ZNF507: variants seen among roughly 807,000 people sequenced by gnomAD.
ZNF507 encodes the protein zinc finger protein 507.
A neutral mutation model predicts 80.0 loss-of-function variants in ZNF507; 29 were observed. The ratio of observed to expected loss-of-function variants is 0.36; its 90% CI spans 0.27 to 0.49. The LOEUF (loss-of-function observed/expected upper bound fraction) is 0.49. Among genes scored for constraint, ZNF507 ranks in the 20% least tolerant of loss-of-function variants. The pLI is 0.98. For synonymous variants in ZNF507, 462 were observed against 422.5 expected, an observed-to-expected ratio of 1.09 and a Z score of -1.15; for missense variants, 1,081 against 1,152.2, an observed-to-expected ratio of 0.94 and a Z score of 0.90.
rs1967671663 is a variant in ZNF507, at chr19:32,385,105, A to AC, written c.*2022_*2023insC. On this transcript the variant is annotated 3_prime_UTR_variant, in exon 7 of 7. Coordinates refer to ENST00000355898, the MANE Select transcript of ZNF507 (RefSeq NM_001136156.2). ...CAACCTTAGAAGGATTTTGTCTTAG[A>AC]AAATTTCCTTGGCTTTAGTTTTATA... The AC allele has an allele frequency of 6.6e-6, 1 of 152,214 alleles. No homozygotes were observed. The highest frequency in any genetic ancestry group is 2.4e-5 in the African/African-American group (1 of 41,446). 9.4% of individuals were successfully genotyped at this position (152,214 alleles called of 1,614,324 possible).
chr19:32,382,688 C>T (rs766368263), intron 6 of ZNF507, 29 bp from the exon 7 acceptor site: 13 of 1,609,364 alleles, frequency 8.1e-6, no homozygotes, highest in South Asian at 3.3e-5. Flanking sequence ...AGCCTCCTCA[C>T]GGTGTGCTGT....
chr19:32,378,708 G>T (rs2145343059), intron 5 of ZNF507, among the ~76,000 whole-genome samples: 1 of 151,656 alleles, frequency 6.6e-6, no homozygotes, highest in African/African-American at 2.4e-5. Flanking sequence ...TAAAAGGTTG[G>T]AATAACATTA....
In ZNF507 at chr19:32,382,883, A is replaced by G; in HGVS notation, c.2662A>G (p.Asn888Asp). ...GAATGAGAAACTGAGCCCTACAAGT[A>G]ATACCTCATATAGTTTAGAAAAAAT... ...NENEKLSPTS[N>D]TSYSLEKISS... The change falls in exon 7 of 7, where the codon AAT (asparagine) becomes GAT (aspartate). Residue 888 changes from asparagine (N) to aspartate (D), a missense_variant. Around this residue, in one of 6 missense-constraint regions of ZNF507, gnomAD observed 138 missense variants for 158.4 expected, o/e 0.87. Transcript: ENST00000355898. 6.2e-7 allele frequency: 1 copy of G among 1,614,126 alleles called. No individual in the cohort carries two copies. The highest frequency in any genetic ancestry group is 8.5e-7 in the Non-Finnish European group (1 of 1,180,022).
At position 32,382,927 on chromosome 19, in the gene ZNF507, T is replaced by C. The variant is rs771875230; in HGVS notation, c.2706T>C (p.Pro902=). The C allele has an allele frequency of 4.3e-6, 7 of 1,614,066 alleles. No individual in the cohort carries two copies. In the African/African-American group the frequency reaches 9.3e-5, roughly 22 times the overall value. The change falls in exon 7 of 7, where the codon CCT becomes CCC. Residue 902 remains proline (P), a synonymous_variant. Coordinates refer to ENST00000355898, the MANE Select transcript of ZNF507 (RefSeq NM_001136156.2). ...AAAAAATCTCCAGTCTGGCCCCTCC[T>C]AGCATGGAGTACTGCGTTTTACTCT... is the stretch of plus-strand genomic sequence containing the variant. The part of the protein sequence containing the change: ...SLEKISSLAP[P]SMEYCVLLFC...
intron 4 of ZNF507, chr19:32,359,814 C>T (rs1193492554): frequency 6.6e-6 from 1 of 151,024 alleles, no homozygotes; most frequent in Non-Finnish European, 1.5e-5. Context: ...GGCCGCTTTT[C>T]CTTTCTTGTT....
At chr19:32,373,117 G>A (rs1016041621) in intron 5 of ZNF507, among the ~76,000 whole-genome samples, 3 of 152,142 alleles carry the variant, frequency 2.0e-5, no homozygotes, top group African/African-American at 4.8e-5. Context: ...GGCATTAATC[G>A]TATTCACAAG....
chr19:32,347,429 T>C (rs1393618906), intron 2 of ZNF507, 91 bp downstream of exon 2: 1 of 152,252 alleles, frequency 6.6e-6, no homozygotes, highest in Non-Finnish European at 1.5e-5. Context: ...GAGGATCAGA[T>C]ACCACTAACA....
intron 5 of ZNF507, among the ~76,000 whole-genome samples, chr19:32,367,091 C>G (rs1250325316): frequency 2.6e-5 from 4 of 152,162 alleles, no homozygotes; most frequent in Non-Finnish European, 5.9e-5. Context: ...TCCTCTGCTT[C>G]TGGTGAGGGT....
In ZNF507 at chr19:32,352,866, A is replaced by G. The variant is rs1967188237; in HGVS notation, c.36A>G (p.Pro12=). 1 of 1,595,168 alleles carries G rather than the reference A, an allele frequency of 6.3e-7. No individual in the cohort carries two copies. Among genetic ancestry groups the G allele is most frequent in the Non-Finnish European group, 8.5e-7 (1 of 1,174,174 alleles). The change falls in exon 3 of 7, where the codon CCA becomes CCG. Residue 12 remains proline, a synonymous_variant. Transcript: ENST00000355898. ...GTAGCAGTGTTGCCATGTTGGTGCCAGATATTGGGGAACAGGAAGCTATAC... is the reference window on the plus strand; with the variant it reads ...GTAGCAGTGTTGCCATGTTGGTGCCGGATATTGGGGAACAGGAAGCTATAC... ...EESSSVAMLV[P]DIGEQEAILT...
chr19:32,351,219 A>C (rs1967158441), intron 2 of ZNF507, among the ~76,000 whole-genome samples: 1 of 152,200 alleles, frequency 6.6e-6, no homozygotes, highest in Admixed American at 6.5e-5. Context: ...AAGAGAAAAA[A>C]AGCTGATGCC....
Position 32,353,447 on chromosome 19 carries a change from A to G in ZNF507, c.617A>G (p.Glu206Gly), listed in dbSNP as rs754673722. The change falls in exon 3 of 7, where the codon GAA (glutamate) becomes GGA (glycine). Residue 206 changes from glutamate (E) to glycine (G), a missense_variant. Coordinates refer to ENST00000355898, the MANE Select transcript of ZNF507 (RefSeq NM_001136156.2). ...PSSSLCRKTT[E>G]RNETIPDIPV... The stretch of plus-strand genomic sequence containing the variant: ...AGCTCTTTGTGTCGGAAAACCACAG[A>G]AAGAAATGAAACCATTCCAGATATC... 6.2e-7 allele frequency: 1 copy of G among 1,614,260 alleles called. No homozygotes were observed. The highest frequency in any genetic ancestry group is 1.1e-5 in the South Asian group (1 of 91,088).
chr19:32,354,123 T>G lies in ZNF507; in HGVS notation c.1293T>G (p.Ala431=), dbSNP rs199735563. Residue 431 remains alanine (A), a synonymous_variant, in exon 3 of 7, where the codon GCT becomes GCG. Transcript: ENST00000355898. ...GGAAGGACCTGAGCCTGACAGAAGC[T>G]CAGATTGGGCGCGAAGGAATGGATG... is the stretch of plus-strand genomic sequence containing the variant. ...EEGKDLSLTE[A]QIGREGMDDV... 1.9e-5 allele frequency: 30 copies of G among 1,613,326 alleles called. No individual in the cohort carries two copies. The highest frequency in any genetic ancestry group is 3.3e-5 in the Admixed American group (2 of 59,976).
intron 5 of ZNF507, among the ~76,000 whole-genome samples, chr19:32,367,384 G>A (rs988276290): frequency 2.0e-5 from 3 of 152,210 alleles, no homozygotes; most frequent in Non-Finnish European, 4.4e-5. Flanking sequence ...ATCATCGGCT[G>A]TTTTCTTACT....
intron 5 of ZNF507, among the ~76,000 whole-genome samples, chr19:32,376,034 C>T (rs975037624): frequency 6.6e-6 from 1 of 152,110 alleles, no homozygotes; most frequent in South Asian, 2.1e-4. Flanking sequence ...ATATATTCTG[C>T]ATAAAACAAT....
rs1412499638 is a variant in ZNF507, at chr19:32,385,845, G to A, written c.*2762G>A. ...CCCCCCCCAAAAAAAAAATTCAGTA[G>A]GAATTCCTTCATAGAATAACATGTT... On this transcript the variant is annotated 3_prime_UTR_variant, in exon 7 of 7. Coordinates refer to ENST00000355898, the MANE Select transcript of ZNF507 (RefSeq NM_001136156.2). The A allele has an allele frequency of 6.6e-6, 1 of 151,980 alleles. No homozygotes were observed. The highest frequency in any genetic ancestry group is 1.9e-4 in the East Asian group (1 of 5,188). The allele number at this position is 151,980 out of a possible 1,614,324, so 9.4% of individuals were successfully genotyped here.
chr19:32,373,178 T>C (rs1334283559), intron 5 of ZNF507, among the ~76,000 whole-genome samples: 1 of 151,852 alleles, frequency 6.6e-6, no homozygotes, highest in East Asian at 1.9e-4. Flanking sequence ...CCTCTTAATA[T>C]TATCCCTTTG....
chr19:32,377,980 ACAG>A (rs1234076459), intron 5 of ZNF507, among the ~76,000 whole-genome samples: 2 of 152,146 alleles, frequency 1.3e-5, no homozygotes, highest in East Asian at 1.9e-4. Flanking sequence ...ATGAAAAAAA[ACAG>A]CAGACAGCCC....
intron 5 of ZNF507, among the ~76,000 whole-genome samples, chr19:32,379,261 AT>A (rs1967593581): frequency 6.6e-6 from 1 of 152,222 alleles, no homozygotes; most frequent in Non-Finnish European, 1.5e-5. Flanking sequence ...TTGTCAAAAA[AT>A]TGCTGCATCT....
chr19:32,371,731 C>G (rs1478750450), intron 5 of ZNF507, among the ~76,000 whole-genome samples: 1 of 151,034 alleles, frequency 6.6e-6, no homozygotes, highest in Non-Finnish European at 1.5e-5. Context: ...GCTCTGCCTC[C>G]CAGGTTCACG....
Sources: gnomAD v4.1 joint callset for allele counts (sites outside exome capture counted in the v4.1 genomes callset) on GRCh38, gnomAD v4.1.1 for gene constraint, gnomAD v4.1.1 regional missense constraint, MANE v1.5 for transcripts, NCBI Gene and HGNC (gene_info 2026-07-23, HGNC 2026-07-21) for gene names.